ZDHHC21: variants seen among roughly 807,000 people sequenced by gnomAD.
The protein encoded by ZDHHC21 is palmitoyltransferase ZDHHC21.
Under a neutral mutation model 34.6 loss-of-function variants are expected in ZDHHC21, and 15 were observed. The ratio of observed to expected loss-of-function variants is 0.43; its 90% CI spans 0.29 to 0.67. The LOEUF is 0.67. Ranked by LOEUF, ZDHHC21 falls within the 30% of genes least tolerant of loss-of-function variation. ZDHHC21 has a pLI of 0.14. For synonymous variants in ZDHHC21, 142 were observed against 101.8 expected (o/e 1.40, Z -2.38); for missense variants, 344 against 327.7 (o/e 1.05, Z -0.38).
chr9:14,682,392 T>C (rs1837546029), intron 2 of ZDHHC21, among the ~76,000 whole-genome samples: 2 of 152,180 alleles, frequency 1.3e-5, no homozygotes, highest in South Asian at 4.1e-4. Flanking sequence ...GTTGCAATCC[T>C]AGTCTCTGAT....
At chr9:14,648,938 A>AT (rs1238479561) in intron 7 of ZDHHC21, among the ~76,000 whole-genome samples, 10 of 128,986 alleles carry the variant, frequency 7.8e-5, no homozygotes, top group Non-Finnish European at 1.4e-4. Context: ...GAAAAGTAAA[A>AT]ATTTTTTTTT....
At chr9:14,690,191 C>G (rs1317944001) in intron 2 of ZDHHC21, 146 bp downstream of exon 2, 3 of 275,000 alleles carry the variant, frequency 1.1e-5, no homozygotes, top group African/African-American at 7.0e-5. Context: ...GGGAAGCCTG[C>G]TACTTACCTT....
intron 8 of ZDHHC21, among the ~76,000 whole-genome samples, chr9:14,629,480 C>T (rs1336032851): frequency 1.3e-5 from 2 of 152,014 alleles, no homozygotes; most frequent in South Asian, 2.1e-4. Context: ...AACAATGAAG[C>T]GAGTATTGCA....
downstream of ZDHHC21, among the ~76,000 whole-genome samples, chr9:14,609,158 T>G (rs1823119206): frequency 8.0e-6 from 1 of 124,982 alleles, no homozygotes. Flanking sequence ...CCATTTTCAC[T>G]TAATACTGAT....
At chr9:14,589,861 C>T in the ZDHHC21 span, 8 of 152,308 alleles carry the variant, frequency 5.3e-5, no homozygotes, top group South Asian at 1.4e-3. Context: ...AAGGCAAGTG[C>T]AAAAGCAGTC....
At chr9:14,635,540 C>A (rs927224161) in intron 8 of ZDHHC21, among the ~76,000 whole-genome samples, 1 of 152,096 alleles carries the variant, frequency 6.6e-6, no homozygotes, top group Non-Finnish European at 1.5e-5. Context: ...ATTCAAAGTG[C>A]GGAACGAAAA....
In ZDHHC21 at chr9:14,611,650, G is replaced by A. The variant is rs17214565; in HGVS notation, c.*7316C>T. ...TTGGGGTTCACACATAATTTTAGGA[G>A]CCTCAAGAATAACATAGATTTTGGC... On this transcript the variant is annotated 3_prime_UTR_variant, in exon 10 of 10. Transcript: ENST00000380916. 0.11 allele frequency: 17,193 copies of A among 151,824 alleles called. 1,050 individuals carry two copies. The highest frequency in any genetic ancestry group is 0.14 in the Non-Finnish European group (9,722 of 67,878). 9.4% of individuals were successfully genotyped at this position (151,824 alleles called of 1,614,324 possible).
intron 2 of ZDHHC21, among the ~76,000 whole-genome samples, chr9:14,681,614 C>A (rs1005798441): frequency 6.6e-6 from 1 of 152,008 alleles, no homozygotes; most frequent in African/African-American, 2.4e-5. Flanking sequence ...TTTTGGTGGA[C>A]TGATAAAGCA....
intron 6 of ZDHHC21, among the ~76,000 whole-genome samples, chr9:14,659,381 A>G (rs1832944258): frequency 6.6e-6 from 1 of 152,204 alleles, no homozygotes; most frequent in South Asian, 2.1e-4. Flanking sequence ...TTTTCATTTT[A>G]AAAATCTACC....
chr9:14,640,762 T>G (rs1002830534), intron 7 of ZDHHC21, among the ~76,000 whole-genome samples: 1 of 152,096 alleles, frequency 6.6e-6, no homozygotes, highest in African/African-American at 2.4e-5. Context: ...AAGGAATGCC[T>G]AGATAGGAGG....
intron 7 of ZDHHC21, among the ~76,000 whole-genome samples, chr9:14,650,159 G>A (rs958952020): frequency 2.6e-5 from 4 of 151,774 alleles, no homozygotes; most frequent in Admixed American, 1.3e-4. Context: ...CACTAAAAGC[G>A]TAGAGATATA....
intron 5 of ZDHHC21, among the ~76,000 whole-genome samples, chr9:14,671,321 A>G (rs1008668187): frequency 6.6e-6 from 1 of 152,050 alleles, no homozygotes; most frequent in African/African-American, 2.4e-5. Flanking sequence ...TCACTCAATT[A>G]ATACATTTAA....
At chr9:14,602,282 A>G in the ZDHHC21 span, among the ~76,000 whole-genome samples, 1 of 152,122 alleles carries the variant, frequency 6.6e-6, no homozygotes, top group Admixed American at 6.6e-5. Context: ...AAGACAGGTC[A>G]TTTGAAATAA....
At chr9:14,670,315 G>C (rs1419664283) in intron 5 of ZDHHC21, among the ~76,000 whole-genome samples, 1 of 152,080 alleles carries the variant, frequency 6.6e-6, no homozygotes, top group African/African-American at 2.4e-5. Context: ...CTAGACCACA[G>C]ATACAAACTA....
chr9:14,642,396 A>C (rs542815067), intron 7 of ZDHHC21, among the ~76,000 whole-genome samples: 1 of 152,020 alleles, frequency 6.6e-6, no homozygotes, highest in Non-Finnish European at 1.5e-5. Flanking sequence ...TTTTATCCAA[A>C]TCACAGGAAC....
At chr9:14,623,407 T>C (rs550226082) in intron 8 of ZDHHC21, among the ~76,000 whole-genome samples, 109 of 152,038 alleles carry the variant, frequency 7.2e-4, no homozygotes, top group Middle Eastern at 6.8e-3. Flanking sequence ...CATGTGCCTG[T>C]AGTCCTCGCT....
intron 8 of ZDHHC21, 48 bp downstream of exon 8, chr9:14,639,848 T>C: frequency 9.2e-7 from 1 of 1,092,676 alleles, no homozygotes; most frequent in Non-Finnish European, 1.3e-6. Context: ...ACATTCATAA[T>C]TAGGTAATAT....
Position 14,619,063 on chromosome 9 carries a change from G to C in ZDHHC21, c.701C>G (p.Ser234Ter). The C allele has an allele frequency of 1.2e-6, 2 of 1,611,956 alleles. No individual in the cohort carries two copies. Among genetic ancestry groups the C allele is most frequent in the Non-Finnish European group, 1.7e-6 (2 of 1,178,922 alleles). Residue 234 changes from serine (S) to a stop codon, truncating the protein, a stop_gained, in exon 10 of 10, where the codon TCA (serine) becomes TGA (stop). Coordinates refer to ENST00000380916, the MANE Select transcript of ZDHHC21 (RefSeq NM_178566.6). LOFTEE classifies it high-confidence loss of function. The stretch of plus-strand genomic sequence containing the variant: ...CTTCCAACGAGTGCCAAAAACTTCT[G>C]AGAAGGTCTGCTGCCATGGCTTTCG... ...RPRKPWQQTF[S>*]EVFGTRWKIL...
chr9:14,589,324 T>C, the ZDHHC21 span: 2 of 152,212 alleles, frequency 1.3e-5, no homozygotes, highest in Admixed American at 6.5e-5. Context: ...TTCTCACACA[T>C]TGGCTGACAG....
Sources: allele counts gnomAD v4.1 joint callset (sites outside exome capture counted in the v4.1 genomes callset), GRCh38; gene constraint gnomAD v4.1.1; transcripts MANE v1.5; gene names NCBI Gene and HGNC (gene_info 2026-07-23, HGNC 2026-07-21).